The following ULK2 variants were observed in gnomAD, a reference collection of about 807,000 sequenced individuals.
The protein encoded by ULK2 is serine/threonine-protein kinase ULK2.
In ULK2, 76 loss-of-function variants were observed where a neutral mutation model predicts 127.5. The ratio of observed to expected loss-of-function variants is 0.60; its 90% CI spans 0.50 to 0.72. The LOEUF (loss-of-function observed/expected upper bound fraction) is 0.72, where lower values mean the gene tolerates loss of function less well. Ranked by LOEUF, ULK2 falls within the 30% of genes least tolerant of loss-of-function variation. The pLI is 0.00. For missense variants in ULK2, 1,144 were observed against 1,295.9 expected (o/e 0.88, Z 1.80); for synonymous variants, 452 against 461.9 (o/e 0.98, Z 0.28).
At chr17:19,784,185 C>T (rs1006595485) in intron 21 of ULK2, 12 of 247,482 alleles carry the variant, frequency 4.8e-5, no homozygotes, top group Non-Finnish European at 7.6e-5. Flanking sequence ...CTCCTTGCTG[C>T]TCCACAGGGC....
chr17:19,833,084 T>C (rs1024645657), intron 10 of ULK2, among the ~76,000 whole-genome samples: 10 of 142,196 alleles, frequency 7.0e-5, no homozygotes, highest in Non-Finnish European at 1.3e-4. Context: ...GATCATGCCA[T>C]TGCACTCCAG....
chr17:19,866,834 C>T (rs1245926736), intron 1 of ULK2, among the ~76,000 whole-genome samples: 1 of 152,160 alleles, frequency 6.6e-6, no homozygotes, highest in East Asian at 1.9e-4. Flanking sequence ...TACGGGGGCT[C>T]TTCGGGGTGC....
chr17:19,807,950 C>T (rs1001161752), intron 14 of ULK2, among the ~76,000 whole-genome samples: 1 of 151,972 alleles, frequency 6.6e-6, no homozygotes, highest in African/African-American at 2.4e-5. Flanking sequence ...ACTAAAAATA[C>T]AAAAAATTAG....
chr17:19,830,618 TAA>T (rs3866960), intron 10 of ULK2, among the ~76,000 whole-genome samples: 122,607 of 138,804 alleles, frequency 0.88, 54,442 homozygotes, highest in Non-Finnish European at 0.94. Flanking sequence ...TGAGATTGTT[TAA>T]AAAAAAAAAA....
At chr17:19,784,049 G>A (rs1169374288) in intron 21 of ULK2, 144 bp from the exon 22 acceptor site, 1 of 549,480 alleles carries the variant, frequency 1.8e-6, no homozygotes, top group Non-Finnish European at 2.8e-6. Context: ...TGTACTATTT[G>A]AGGATATTAA....
chr17:19,824,475 G>T (rs1454339799), intron 12 of ULK2, among the ~76,000 whole-genome samples: 1 of 92,748 alleles, frequency 1.1e-5, no homozygotes, highest in Non-Finnish European at 2.1e-5. Context: ...AAAAAAAAAA[G>T]CCTAAGAGAA....
chr17:19,856,977 CAAAAAA>C (rs1157706276), intron 3 of ULK2, among the ~76,000 whole-genome samples: 246 of 21,308 alleles, frequency 0.012, 1 homozygote, highest in African/African-American at 0.025. Flanking sequence ...ACTCCATCTC[CAAAAAA>C]AAAAAAAAAA....
intron 16 of ULK2, 61 bp downstream of exon 16, chr17:19,801,716 C>A: frequency 1.3e-6 from 2 of 1,598,342 alleles, no homozygotes; most frequent in South Asian, 1.1e-5. Flanking sequence ...GAAAATGTGT[C>A]ATGTCAGATT....
At chr17:19,797,713 GA>G (rs1376626345) in intron 17 of ULK2, 31 bp from the exon 18 acceptor site, 2 of 1,439,334 alleles carry the variant, frequency 1.4e-6, no homozygotes, top group South Asian at 3.3e-5. Context: ...ACATTAACCT[GA>G]AGTGAAGAAG....
chr17:19,848,777 CAA>C (rs34312318), intron 5 of ULK2, among the ~76,000 whole-genome samples: 12 of 128,956 alleles, frequency 9.3e-5, no homozygotes, highest in Non-Finnish European at 1.5e-4. Flanking sequence ...ACTTCATCTC[CAA>C]AAAAAAAAAA....
chr17:19,810,772 G>T, intron 13 of ULK2: 1 of 196,408 alleles, frequency 5.1e-6, no homozygotes, highest in Non-Finnish European at 1.0e-5. Context: ...CTGTGTCAAT[G>T]ACAAAAGTTC....
intron 6 of ULK2, among the ~76,000 whole-genome samples, chr17:19,845,639 TATAATAAGTA>T: frequency 6.6e-6 from 1 of 152,258 alleles, no homozygotes; most frequent in Non-Finnish European, 1.5e-5. Context: ...AAATGCTAAT[TATAATAAGTA>T]GCTCATTAAT....
At chr17:19,857,013 A>C (rs1165116801) in intron 3 of ULK2, among the ~76,000 whole-genome samples, 5 of 150,458 alleles carry the variant, frequency 3.3e-5, no homozygotes, top group African/African-American at 4.9e-5. Flanking sequence ...AAGAGTTTTA[A>C]AATTTTTTAT....
chr17:19,864,593 T>C (rs2042314947), intron 3 of ULK2, among the ~76,000 whole-genome samples: 1 of 152,210 alleles, frequency 6.6e-6, no homozygotes, highest in South Asian at 2.1e-4. Context: ...GTATTATCAA[T>C]TGTTAATAAA....
intron 3 of ULK2, among the ~76,000 whole-genome samples, chr17:19,863,473 CACACTAGCT>C (rs1337659659): frequency 1.9e-4 from 28 of 151,268 alleles, no homozygotes; most frequent in South Asian, 4.2e-4. Flanking sequence ...CACATGGTAT[CACACTAGCT>C]ACATGTGATT....
intron 20 of ULK2, among the ~76,000 whole-genome samples, chr17:19,792,987 G>T (rs2087189238): frequency 6.6e-6 from 1 of 152,178 alleles, no homozygotes; most frequent in South Asian, 2.1e-4. Flanking sequence ...ATTTATAGTT[G>T]TATTAGTTCA....
chr17:19,799,412 T>C, intron 17 of ULK2, 83 bp downstream of exon 17: 1 of 1,186,386 alleles, frequency 8.4e-7, no homozygotes, highest in Non-Finnish European at 1.1e-6. Flanking sequence ...TCAATTCTGT[T>C]CTTTGATAAA....
In ULK2 at chr17:19,780,622, C is replaced by A; in HGVS notation, c.2766G>T (p.Lys922Asn). Residue 922 changes from lysine (K) to asparagine (N), a missense_variant, in exon 25 of 27, where the codon AAG becomes AAT. Around this residue, in one of 2 missense-constraint regions of ULK2, gnomAD observed 913 missense variants for 970.5 expected, o/e 0.94. Coordinates refer to ENST00000395544, the MANE Select transcript of ULK2 (RefSeq NM_014683.4). ...SPSTAVKQVVKNLNERYKFCI... is the reference protein window; with the variant it reads ...SPSTAVKQVVNNLNERYKFCI... The stretch of plus-strand genomic sequence containing the variant: ...AGAATTTATATCGTTCGTTCAGATT[C>A]TTGACAACTGAAAAAAAATTGAGAT... 1.3e-6 allele frequency: 2 copies of A among 1,599,426 alleles called. No individual in the cohort carries two copies. Among genetic ancestry groups the A allele is most frequent in the Admixed American group, 1.8e-5 (1 of 56,660 alleles).
chr17:19,817,712 A>G (rs981322750), intron 12 of ULK2, among the ~76,000 whole-genome samples: 3 of 152,196 alleles, frequency 2.0e-5, no homozygotes, highest in African/African-American at 7.2e-5. Flanking sequence ...TATTGTGTCA[A>G]GCCCCTATTA....
Sources: allele counts gnomAD v4.1 joint callset (sites outside exome capture counted in the v4.1 genomes callset), GRCh38; gene constraint gnomAD v4.1.1; regional missense constraint gnomAD v4.1.1; transcripts MANE v1.5; gene names NCBI Gene and HGNC (gene_info 2026-07-23, HGNC 2026-07-21).